The following MBTPS2 variants were observed in gnomAD, a reference collection of about 807,000 sequenced individuals.
MBTPS2 encodes membrane-bound transcription factor site-2 protease.
Under a neutral mutation model 35.4 loss-of-function variants are expected in MBTPS2, and 2 were observed. The ratio of observed to expected loss-of-function variants is 0.06; its 90% CI spans 0.02 to 0.18. MBTPS2 has a LOEUF of 0.18. Ranked by LOEUF, MBTPS2 falls within the 10% of genes least tolerant of loss-of-function variation. The probability of loss-of-function intolerance (pLI) is 1.00; values close to 1 mark genes in which losing one functional copy is unlikely to be tolerated. For synonymous variants in MBTPS2, 125 were observed against 140.4 expected, an observed-to-expected ratio of 0.89 and a Z score of 0.77; for missense variants, 244 against 386.5, an observed-to-expected ratio of 0.63 and a Z score of 3.09.
At position 21,867,874 on chromosome X, in the gene MBTPS2, C is replaced by CAG. The variant is rs1223495921; in HGVS notation, c.671-593_671-592insAG. On this transcript the variant is annotated intron_variant, in intron 5 of 10. Transcript: ENST00000379484. ...CAAGCTGGTGTTGATCTCCTGACCT[C>CAG]GTGATCCGCCCGCCCTGGCCTCCCA... is the stretch of plus-strand genomic sequence containing the variant. Among the ~76,000 whole-genome samples the CAG allele has an allele frequency of 4.1e-4, 45 of 109,891 alleles. 1 individual carries two copies. The highest frequency in any genetic ancestry group is 1.3e-4 in the Non-Finnish European group (7 of 52,520).
intron 5 of MBTPS2, among the ~76,000 whole-genome samples, chrX:21,866,752 C>T (rs1203996264): frequency 1.8e-5 from 2 of 110,627 alleles, no homozygotes; most frequent in East Asian, 2.8e-4. Context: ...GTGGGCCAGG[C>T]GTAGTGGCTC....
chrX:21,871,488 G>A (rs1022383925), intron 7 of MBTPS2: 1 of 111,442 alleles, frequency 9.0e-6, no homozygotes, highest in Non-Finnish European at 1.9e-5. Context: ...TACATCCCAG[G>A]CATCCTATCA....
intron 7 of MBTPS2, chrX:21,869,885 C>T (rs1356436063): frequency 7.6e-6 from 3 of 394,614 alleles, no homozygotes; most frequent in African/African-American, 7.6e-5. Flanking sequence ...GAACTTCTAA[C>T]TATTTTCATT....
Position 21,884,084 on chromosome X carries a change from A to G in MBTPS2, c.*1429A>G. 1.3e-6 allele frequency: 1 copy of G among 750,778 alleles called. No individual in the cohort carries two copies. The highest frequency in any genetic ancestry group is 1.6e-6 in the Non-Finnish European group (1 of 635,786). 61.9% of individuals were successfully genotyped at this position (750,778 alleles called of 1,213,427 possible). ...CAGATTATTGAGTTGCTCTGTAAGCACTAAAACTTTTTAATCATTTTTAAG... is the reference window on the plus strand; with the variant it reads ...CAGATTATTGAGTTGCTCTGTAAGCGCTAAAACTTTTTAATCATTTTTAAG... On this transcript the variant is annotated 3_prime_UTR_variant, in exon 11 of 11. Coordinates refer to ENST00000379484, the MANE Select transcript of MBTPS2 (RefSeq NM_015884.4).
intron 5 of MBTPS2, among the ~76,000 whole-genome samples, chrX:21,866,195 T>C (rs973445232): frequency 9.0e-6 from 1 of 111,375 alleles, no homozygotes; most frequent in Non-Finnish European, 1.9e-5. Context: ...CAGAATAAAA[T>C]TGATCCTCAA....
rs2092961490 is a variant in MBTPS2 at position 21,883,450 on chromosome X, C to G, written c.*795C>G. On this transcript the variant is annotated 3_prime_UTR_variant, in exon 11 of 11. Transcript: ENST00000379484. ...GTTGGGGTTGAACTTCGGAACTAGG[C>G]CGGGTCTCCTGACAGATCACAAGAC... 1.3e-6 allele frequency: 1 copy of G among 752,458 alleles called. No individual in the cohort carries two copies. Among genetic ancestry groups the G allele is most frequent in the African/African-American group, 2.3e-5 (1 of 43,035 alleles). 62.0% of individuals were successfully genotyped at this position (752,458 alleles called of 1,213,427 possible).
chrX:21,856,769 C>A (rs754095870), intron 5 of MBTPS2: 2 of 1,211,762 alleles, frequency 1.7e-6, no homozygotes, highest in South Asian at 1.8e-5. Context: ...ACTCAGACAA[C>A]CAGCTAGGCA....
intron 7 of MBTPS2, among the ~76,000 whole-genome samples, chrX:21,874,712 A>G (rs747427760): frequency 1.0e-3 from 116 of 112,327 alleles, no homozygotes; most frequent in Non-Finnish European, 1.9e-3. Context: ...TGTCTCCCAC[A>G]CTGGGGATAT....
chrX:21,862,960 AT>A (rs1569325826), intron 5 of MBTPS2, among the ~76,000 whole-genome samples: 2 of 62,473 alleles, frequency 3.2e-5, no homozygotes, highest in East Asian at 6.4e-4. Context: ...ATATATATAT[AT>A]ATATATAAAA....
chrX:21,876,493 A>G (rs1367421912), intron 7 of MBTPS2, among the ~76,000 whole-genome samples: 1 of 109,446 alleles, frequency 9.1e-6, no homozygotes, highest in African/African-American at 3.3e-5. Context: ...TTGAACCGGG[A>G]GGCAGAGGTT....
chrX:21,850,566 T>C (rs1480409339), intron 3 of MBTPS2, among the ~76,000 whole-genome samples: 3 of 111,361 alleles, frequency 2.7e-5, no homozygotes, highest in Non-Finnish European at 5.6e-5. Context: ...CTGTAAGAAA[T>C]AGATTCTCAG....
At chrX:21,863,125 G>A (rs2092935105) in intron 5 of MBTPS2, among the ~76,000 whole-genome samples, 1 of 96,851 alleles carries the variant, frequency 1.0e-5, no homozygotes, top group South Asian at 5.1e-4. Context: ...AAAACTAGCC[G>A]AGCATGCTGG....
In MBTPS2 at chrX:21,851,519, T is replaced by C; in HGVS notation, c.449T>C (p.Ile150Thr). 1 of 1,201,357 alleles carries C rather than the reference T, an allele frequency of 8.3e-7. No individual in the cohort carries two copies. The change falls in exon 4 of 11, where the codon ATA becomes ACA. Residue 150 changes from isoleucine to threonine, a missense_variant. Physicochemically the swap from Ile to Thr is moderately conservative, Grantham distance 89. Transcript: ENST00000379484. ...TGTGTCTATGAACAGGTTCCTGGTA[T>C]AAATTTACCCGTCAATCAACTGACC... The part of the protein sequence containing the change: ...EQVLQVVVPG[I>T]NLPVNQLTYF...
At position 21,868,026 on chromosome X, in the gene MBTPS2, A is replaced by G. The variant is rs752704989; in HGVS notation, c.671-441A>G. 6.2e-5 allele frequency among the ~76,000 whole-genome samples: 7 copies of G among 112,075 alleles called. No homozygotes were observed. In the South Asian group the frequency reaches 2.6e-3, roughly 42 times the overall value. ...TTGTTCCACCAATATTGTTCTGCAT[A>G]ATAGTTTAGTTCTTAAAACAACCTC... On this transcript the variant is annotated intron_variant, in intron 5 of 10. Transcript: ENST00000379484.
At position 21,883,622 on chromosome X, in the gene MBTPS2, T is replaced by G; in HGVS notation, c.*967T>G. ...TTCCTGTCTCCAAGAAGCAATGACCTTAAACTCTGAGCCATACTCTGTCCT... is the reference window on the plus strand; with the variant it reads ...TTCCTGTCTCCAAGAAGCAATGACCGTAAACTCTGAGCCATACTCTGTCCT... On this transcript the variant is annotated 3_prime_UTR_variant, in exon 11 of 11. Coordinates refer to ENST00000379484, the MANE Select transcript of MBTPS2 (RefSeq NM_015884.4). 1 of 754,104 alleles carries G rather than the reference T, an allele frequency of 1.3e-6. No homozygotes were observed. The highest frequency in any genetic ancestry group is 1.6e-6 in the Non-Finnish European group (1 of 639,153). The allele number at this position is 754,104 out of a possible 1,213,427, so 62.1% of individuals were successfully genotyped here.
intron 4 of MBTPS2, among the ~76,000 whole-genome samples, chrX:21,851,850 T>TCC (rs901909595): frequency 2.7e-5 from 3 of 111,762 alleles, no homozygotes; most frequent in African/African-American, 9.8e-5. Flanking sequence ...GGTCTTTCTA[T>TCC]CCTTTGCCTT....
rs1443392525 is a variant in MBTPS2 at position 21,885,057 on chromosome X, T to C, written c.*2402T>C. 1.3e-6 allele frequency: 1 copy of C among 752,914 alleles called. No individual in the cohort carries two copies. The highest frequency in any genetic ancestry group is 1.6e-6 in the Non-Finnish European group (1 of 638,013). The allele number at this position is 752,914 out of a possible 1,213,427, so 62.0% of individuals were successfully genotyped here. A position where few individuals can be genotyped will look rare whatever the true frequency, so the allele number is the denominator to read the frequency against. On this transcript the variant is annotated 3_prime_UTR_variant, in exon 11 of 11. Coordinates refer to ENST00000379484, the MANE Select transcript of MBTPS2 (RefSeq NM_015884.4). ...TTCTCAGTGTTCCTACTCTGCATTGTTTACATTTTTGACAGTTTTTTTTAA... is the reference window on the plus strand; with the variant it reads ...TTCTCAGTGTTCCTACTCTGCATTGCTTACATTTTTGACAGTTTTTTTTAA...
At chrX:21,844,732 G>A (rs202017610) in intron 2 of MBTPS2, among the ~76,000 whole-genome samples, 3 of 81,381 alleles carry the variant, frequency 3.7e-5, no homozygotes, top group Non-Finnish European at 5.6e-5. Context: ...ATAGAAAAAA[G>A]AAATTATTAT....
intron 5 of MBTPS2, chrX:21,856,301 C>G: frequency 2.7e-6 from 1 of 376,008 alleles, no homozygotes; most frequent in South Asian, 3.8e-5. Flanking sequence ...CTGCAGCTCG[C>G]GCCTTTCTCT....
Sources: allele counts gnomAD v4.1 joint callset (sites outside exome capture counted in the v4.1 genomes callset), GRCh38; gene constraint gnomAD v4.1.1; transcripts MANE v1.5; gene names NCBI Gene and HGNC (gene_info 2026-07-23, HGNC 2026-07-21).